The following RNF213 variants were observed in gnomAD, a reference collection of about 807,000 sequenced individuals.
RNF213 encodes ring finger protein 213, also known as E3 ubiquitin-protein ligase RNF213.
RNF213 carries 341 observed loss-of-function variants against 514.4 expected under a neutral mutation model. The observed-to-expected ratio is 0.66, with a 90% confidence interval of 0.61 to 0.73. RNF213 has a LOEUF of 0.73. Ranked by LOEUF, RNF213 falls within the 30% of genes least tolerant of loss-of-function variation. RNF213 has a pLI of 0.00. For missense variants in RNF213, 5,767 were observed against 6,615.6 expected, an observed-to-expected ratio of 0.87 and a Z score of 4.45; for synonymous variants, 2,655 against 2,658.2, an observed-to-expected ratio of 1.00 and a Z score of 0.04.
Position 80,295,792 on chromosome 17 carries a change from A to G in RNF213, c.1991A>G (p.His664Arg), listed in dbSNP as rs1456935366. 1.2e-6 allele frequency: 2 copies of G among 1,614,076 alleles called. No individual in the cohort carries two copies. Among genetic ancestry groups the G allele is most frequent in the East Asian group, 4.5e-5 (2 of 44,898 alleles). Residue 664 changes from histidine (H) to arginine (R), a missense_variant, in exon 10 of 68, where the codon CAC becomes CGC. By Grantham distance (29) the His-to-Arg change is conservative. Around this residue, in one of 13 missense-constraint regions of RNF213, gnomAD observed 592 missense variants for 673.9 expected, o/e 0.88. Coordinates refer to ENST00000582970, the MANE Select transcript of RNF213 (RefSeq NM_001256071.3). ...GATGAGTTTCACCGTGACCTAAGCCACATCCTTGGGATACCTCAGAGGTAT... is the reference window on the plus strand; with the variant it reads ...GATGAGTTTCACCGTGACCTAAGCCGCATCCTTGGGATACCTCAGAGGTAT... ...SPDEFHRDLS[H>R]ILGIPQSWRL...
chr17:80,330,422 A>C (rs1169926173), intron 20 of RNF213, among the ~76,000 whole-genome samples: 1 of 152,008 alleles, frequency 6.6e-6, no homozygotes, highest in Non-Finnish European at 1.5e-5. Flanking sequence ...CTGTCTCCTG[A>C]AGTCTTCTGT....
intron 8 of RNF213, among the ~76,000 whole-genome samples, chr17:80,292,210 G>A (rs556771130): frequency 2.2e-4 from 33 of 152,172 alleles, no homozygotes; most frequent in African/African-American, 7.5e-4. Context: ...TCAGCCTCCC[G>A]AGTAGCTGGG....
chr17:80,270,110 G>A (rs12603543), intron 2 of RNF213, among the ~76,000 whole-genome samples: 9,406 of 152,102 alleles, frequency 0.062, 408 homozygotes, highest in East Asian at 0.2. Context: ...GAATGTGTGC[G>A]CACACACACA....
intron 63 of RNF213, 104 bp from the exon 64 acceptor site, chr17:80,388,508 G>A (rs535236444): frequency 9.5e-5 from 76 of 802,686 alleles, no homozygotes; most frequent in African/African-American, 9.0e-4. Flanking sequence ...ACAGGGCAGC[G>A]CGGCACTACG....
At chr17:80,370,436 A>T (rs2079470252) in intron 46 of RNF213, among the ~76,000 whole-genome samples, 1 of 152,114 alleles carries the variant, frequency 6.6e-6, no homozygotes, top group Non-Finnish European at 1.5e-5. Flanking sequence ...TACTAAGATA[A>T]ATTTGCCCTT....
chr17:80,358,791 C>T (rs1360980226), intron 37 of RNF213, among the ~76,000 whole-genome samples: 1 of 152,160 alleles, frequency 6.6e-6, no homozygotes, highest in Non-Finnish European at 1.5e-5. Flanking sequence ...TGCCTGTATT[C>T]CCAGCTATTT....
chr17:80,382,840 AAATACTTAGATTAATTTAG>A, intron 57 of RNF213, 120 bp from the exon 58 acceptor site: 1 of 671,180 alleles, frequency 1.5e-6, no homozygotes, highest in South Asian at 1.6e-5. Flanking sequence ...AACTACTTCA[AAATACTTAGATTAATTTAG>A]AAAGCTATTA....
At chr17:80,362,196 T>G (rs2144379831) in intron 39 of RNF213, among the ~76,000 whole-genome samples, 1 of 152,264 alleles carries the variant, frequency 6.6e-6, no homozygotes, top group Middle Eastern at 3.4e-3. Flanking sequence ...AAAAATTAAA[T>G]ACGTAACTAA....
intron 18 of RNF213, among the ~76,000 whole-genome samples, 180 bp from the exon 19 acceptor site, chr17:80,327,636 C>A (rs552788159): frequency 1.4e-4 from 21 of 152,276 alleles, no homozygotes; most frequent in African/African-American, 5.1e-4. Context: ...AAGACCTAAC[C>A]CTCGTGGGGG....
chr17:80,318,660 G>A (rs543939024), intron 16 of RNF213, among the ~76,000 whole-genome samples: 1 of 151,906 alleles, frequency 6.6e-6, no homozygotes, highest in South Asian at 2.1e-4. Flanking sequence ...TGCAAACTCC[G>A]CCTCCCGGGT....
intron 15 of RNF213, chr17:80,315,763 GTGATGC>G (rs1312917070): frequency 1.3e-4 from 5 of 37,394 alleles, no homozygotes; most frequent in South Asian, 1.0e-3. Flanking sequence ...GGTGACAGTG[GTGATGC>G]TGGTGGTGGT....
intron 1 of RNF213, among the ~76,000 whole-genome samples, chr17:80,262,805 C>T (rs1011535102): frequency 1.3e-5 from 2 of 152,296 alleles, no homozygotes; most frequent in East Asian, 3.9e-4. Flanking sequence ...GAGCCCACCC[C>T]AGTGGGAGGA....
rs2078663965 is a variant in RNF213 at position 80,354,660 on chromosome 17, G to A, written c.10862+84G>A. On this transcript the variant is annotated intron_variant, in intron 36 of 67. Transcript: ENST00000582970. ...CCTGCAGGGATCCTCTCTCCATCCG[G>A]GCCATGGGGACTGAGCTGTTTCTTT... 6.6e-6 allele frequency: 10 copies of A among 1,525,654 alleles called. No homozygotes were observed. The East Asian group carries it at 2.3e-4, about 34-fold the overall frequency. 94.5% of individuals were successfully genotyped at this position (1,525,654 alleles called of 1,614,324 possible). A position where few individuals can be genotyped will look rare whatever the true frequency, so the allele number is the denominator to read the frequency against.
In RNF213 at chr17:80,288,766, T is replaced by C. The variant is rs188523018; in HGVS notation, c.933+11T>C. 1 of 1,614,070 alleles carries C rather than the reference T, an allele frequency of 6.2e-7. No homozygotes were observed. The highest frequency in any genetic ancestry group is 2.2e-5 in the East Asian group (1 of 44,890). On this transcript the variant is annotated intron_variant, in intron 5 of 67. Coordinates refer to ENST00000582970, the MANE Select transcript of RNF213 (RefSeq NM_001256071.3). The surrounding 1 kb of genome is among the most constrained non-coding windows in gnomAD (Gnocchi z 4.9). ...AAAACACACTGCCAGGTGCGTCTCC[T>C]TCCTGCCTGCCGGCTCCAGGAGGCC...
chr17:80,396,128 T>C lies in RNF213; in HGVS notation c.*2630T>C, dbSNP rs2080654899. ...TTGAGACCTGACTGAAAAAATTAGGTGTGCACACCTGTAATCCCAGCTACC... is the reference window on the plus strand; with the variant it reads ...TTGAGACCTGACTGAAAAAATTAGGCGTGCACACCTGTAATCCCAGCTACC... On this transcript the variant is annotated 3_prime_UTR_variant, in exon 68 of 68. Transcript: ENST00000582970. 6.6e-6 allele frequency: 1 copy of C among 152,074 alleles called. No individual in the cohort carries two copies. Among genetic ancestry groups the C allele is most frequent in the Non-Finnish European group, 1.5e-5 (1 of 68,028 alleles). The allele number at this position is 152,074 out of a possible 1,614,324, so 9.4% of individuals were successfully genotyped here.
At chr17:80,315,910 ATGGAGGTGGT>A (rs1157794570) in intron 15 of RNF213, 10 of 17,396 alleles carry the variant, frequency 5.7e-4, no homozygotes, top group East Asian at 1.9e-3. Context: ...GATGGTGGTG[ATGGAGGTGGT>A]GGTGGTGGAG....
At position 80,358,418 on chromosome 17, in the gene RNF213, T is replaced by C; in HGVS notation, c.10993T>C (p.Trp3665Arg). ...TACTCCGCCCTGGGCAAGAGATCTT[T>C]GGATGTTTATTTTCAGTGACACGAT... ...PDTPPWARDL[W>R]MFIFSDTMLL... The change falls in exon 37 of 68, where the codon TGG becomes CGG. Residue 3665 changes from tryptophan (W) to arginine (R), a missense_variant. Coordinates refer to ENST00000582970, the MANE Select transcript of RNF213 (RefSeq NM_001256071.3). 6.2e-7 allele frequency: 1 copy of C among 1,614,176 alleles called. No homozygotes were observed. Among genetic ancestry groups the C allele is most frequent in the Non-Finnish European group, 8.5e-7 (1 of 1,180,012 alleles).
In RNF213 at chr17:80,309,116, T is replaced by C. The variant is rs1282755681; in HGVS notation, c.2600T>C (p.Leu867Pro). Reference protein sequence around the residue: ...SSTKLLKFYELPALSAEIVCR... With the variant: ...SSTKLLKFYEPPALSAEIVCR... ...ACAAAGCTACTTAAGTTTTACGAGC[T>C]GCCAGCCTTATCTGCCGAGATTGTC... Residue 867 changes from leucine (L) to proline (P), a missense_variant, in exon 14 of 68, where the codon CTG (leucine) becomes CCG (proline). Transcript: ENST00000582970. 2 of 1,614,240 alleles carry C rather than the reference T, an allele frequency of 1.2e-6. No homozygotes were observed. The highest frequency in any genetic ancestry group is 8.5e-7 in the Non-Finnish European group (1 of 1,180,050).
intron 15 of RNF213, chr17:80,315,727 CTGGAGGTGATGGTGGTGGTGG>C (rs879360281): frequency 0.42 from 35,795 of 85,560 alleles, 7,052 homozygotes; most frequent in Middle Eastern, 0.51. Context: ...GGTGGAGGTA[CTGGAGGTGATGGTGGTGGTGG>C]TGGAGGTGAC....
Sources: gnomAD v4.1 joint callset for allele counts (sites outside exome capture counted in the v4.1 genomes callset) on GRCh38, gnomAD v4.1.1 for gene constraint, gnomAD v4.1.1 regional missense constraint, Gnocchi (gnomAD v3.1) non-coding constraint, MANE v1.5 for transcripts, NCBI Gene and HGNC (gene_info 2026-07-23, HGNC 2026-07-21) for gene names.